PIK3R1: variants seen among roughly 807,000 people sequenced by gnomAD.
The protein encoded by PIK3R1 is phosphoinositide-3-kinase regulatory subunit 1.
A neutral mutation model predicts 98.0 loss-of-function variants in PIK3R1; 29 were observed. The ratio of observed to expected loss-of-function variants is 0.30; its 90% confidence interval spans 0.22 to 0.40. The LOEUF (loss-of-function observed/expected upper bound fraction) is 0.40, where lower values mean the gene tolerates loss of function less well. Among genes scored for constraint, PIK3R1 ranks in the 10% least tolerant of loss-of-function variants. The pLI is 1.00. For missense variants in PIK3R1, 596 were observed against 872.7 expected, an observed-to-expected ratio of 0.68 and a Z score of 3.99; for synonymous variants, 282 against 311.8, an observed-to-expected ratio of 0.90 and a Z score of 1.01.
At chr5:68,216,160 C>T (rs754523256) in intron 1 of PIK3R1, among the ~76,000 whole-genome samples, 3 of 152,178 alleles carry the variant, frequency 2.0e-5, no homozygotes, top group Non-Finnish European at 4.4e-5. Context: ...GGCCGGCGTC[C>T]TGTGAGATCC....
chr5:68,286,001 A>G (rs1747062483), intron 7 of PIK3R1, among the ~76,000 whole-genome samples: 1 of 152,194 alleles, frequency 6.6e-6, no homozygotes, highest in South Asian at 2.1e-4. Context: ...TTCATAAATG[A>G]TGTCCAGAAA....
At chr5:68,232,519 C>G (rs1346946985) in intron 2 of PIK3R1, among the ~76,000 whole-genome samples, 2 of 152,144 alleles carry the variant, frequency 1.3e-5, no homozygotes, top group African/African-American at 4.8e-5. Context: ...AGGCATTTCT[C>G]CCTCCTTCCC....
At position 68,294,631 on chromosome 5, in the gene PIK3R1, A is replaced by G; in HGVS notation, c.1521A>G (p.Glu507=). ...QCQTQERYSK[E]YIEKFKREGN... is the part of the protein sequence containing the mutation. ...AGACCCAAGAGCGGTACAGCAAAGA[A>G]TACATAGAAAAGTTTAAACGTGAAG... Residue 507 remains glutamate (E), a synonymous_variant, in exon 12 of 16, where the codon GAA becomes GAG. Coordinates refer to ENST00000521381, the MANE Select transcript of PIK3R1 (RefSeq NM_181523.3). The G allele has an allele frequency of 1.2e-6, 2 of 1,611,182 alleles. No individual in the cohort carries two copies. The highest frequency in any genetic ancestry group is 8.5e-7 in the Non-Finnish European group (1 of 1,178,886).
Position 68,299,620 on chromosome 5 carries a change from A to G in PIK3R1, c.*2019A>G. The G allele has an allele frequency of 4.3e-6, 1 of 233,208 alleles. No homozygotes were observed. Among genetic ancestry groups the G allele is most frequent in the East Asian group, 6.0e-5 (1 of 16,560 alleles). 14.4% of individuals were successfully genotyped at this position (233,208 alleles called of 1,614,324 possible). A position where few individuals can be genotyped will look rare whatever the true frequency, so the allele number is the denominator to read the frequency against. On this transcript the variant is annotated 3_prime_UTR_variant, in exon 16 of 16. Transcript: ENST00000521381. ...CTAATAGACTAAATGAAATCTTGCA[A>G]TTTCAAATTACTCTTTCTCCATATT...
intron 2 of PIK3R1, among the ~76,000 whole-genome samples, chr5:68,266,879 C>G (rs551521757): frequency 6.6e-6 from 1 of 152,288 alleles, no homozygotes; most frequent in African/African-American, 2.4e-5. Flanking sequence ...GAATGTGGCT[C>G]CTAGTTGATG....
intron 1 of PIK3R1, among the ~76,000 whole-genome samples, chr5:68,220,791 G>C (rs750034142): frequency 8.5e-5 from 13 of 152,128 alleles, no homozygotes; most frequent in African/African-American, 3.1e-4. Flanking sequence ...TATTATTTGG[G>C]GTTAATCTCA....
At chr5:68,265,887 G>GA (rs1393161627) in intron 2 of PIK3R1, among the ~76,000 whole-genome samples, 1 of 152,160 alleles carries the variant, frequency 6.6e-6, no homozygotes, top group South Asian at 2.1e-4. Flanking sequence ...AAATGTCAGA[G>GA]AAAAAACCCC....
At chr5:68,284,009 A>G (rs1746966472) in intron 7 of PIK3R1, among the ~76,000 whole-genome samples, 1 of 152,200 alleles carries the variant, frequency 6.6e-6, no homozygotes, top group Non-Finnish European at 1.5e-5. Flanking sequence ...AAATCACTCC[A>G]TGAGCTGTGC....
At chr5:68,269,237 T>G (rs960927429) in intron 2 of PIK3R1, among the ~76,000 whole-genome samples, 1 of 152,224 alleles carries the variant, frequency 6.6e-6, no homozygotes, top group African/African-American at 2.4e-5. Context: ...AAACTGGGAT[T>G]GGGTTGTAGT....
chr5:68,233,878 G>T (rs1444548801), intron 2 of PIK3R1, among the ~76,000 whole-genome samples: 2 of 152,140 alleles, frequency 1.3e-5, no homozygotes, highest in African/African-American at 4.8e-5. Flanking sequence ...ACCCTCTCTG[G>T]ACTGTTTCTT....
intron 7 of PIK3R1, among the ~76,000 whole-genome samples, chr5:68,289,127 T>C (rs2112230420): frequency 6.6e-6 from 1 of 152,216 alleles, no homozygotes; most frequent in Non-Finnish European, 1.5e-5. Context: ...ACTGGCACTC[T>C]GGGCTGTTAC....
chr5:68,216,494 G>A (rs1323246918), intron 1 of PIK3R1, among the ~76,000 whole-genome samples: 4 of 152,182 alleles, frequency 2.6e-5, no homozygotes, highest in African/African-American at 9.6e-5. Context: ...CCTAACCCCC[G>A]CCTTCCGAAG....
intron 2 of PIK3R1, among the ~76,000 whole-genome samples, chr5:68,271,079 G>A (rs776367584): frequency 2.6e-4 from 40 of 152,270 alleles, no homozygotes; most frequent in East Asian, 1.9e-4. Context: ...TATCAAAAGA[G>A]TATGTCCTAA....
At chr5:68,242,690 G>A (rs1305836945) in intron 2 of PIK3R1, among the ~76,000 whole-genome samples, 3 of 152,310 alleles carry the variant, frequency 2.0e-5, no homozygotes, top group South Asian at 2.1e-4. Context: ...TGAGTTGAAC[G>A]GGATAGCCCA....
rs188594776 is a variant in PIK3R1 at position 68,256,135 on chromosome 5, G to A, written c.335-17255G>A. 2.8e-3 allele frequency among the ~76,000 whole-genome samples: 423 copies of A among 152,216 alleles called. 1 individual carries two copies. Among genetic ancestry groups the A allele is most frequent in the African/African-American group, 9.8e-3 (408 of 41,518 alleles). On this transcript the variant is annotated intron_variant, in intron 2 of 15. Transcript: ENST00000521381. Reference sequence around the variant, plus strand: ...TCTTTAATGAAAACAGCCTGAACGTGGTTATTAATCTGAGTCTTTCTCCAT... The same window carrying A: ...TCTTTAATGAAAACAGCCTGAACGTAGTTATTAATCTGAGTCTTTCTCCAT...
rs1326622732 is a variant in PIK3R1, at chr5:68,298,514, T to A, written c.*913T>A. 8.6e-6 allele frequency: 2 copies of A among 233,268 alleles called. No individual in the cohort carries two copies. Among genetic ancestry groups the A allele is most frequent in the Non-Finnish European group, 1.7e-5 (2 of 117,918 alleles). 14.4% of individuals were successfully genotyped at this position (233,268 alleles called of 1,614,324 possible). On this transcript the variant is annotated 3_prime_UTR_variant, in exon 16 of 16. Transcript: ENST00000521381. ...GCTTGAAAATATTGTTGTCCCGGATTTTTGTTAATATTCATTTTTGTTATC... is the reference window on the plus strand; with the variant it reads ...GCTTGAAAATATTGTTGTCCCGGATATTTGTTAATATTCATTTTTGTTATC...
intron 2 of PIK3R1, among the ~76,000 whole-genome samples, chr5:68,238,331 C>T (rs1477650222): frequency 6.6e-6 from 1 of 152,076 alleles, no homozygotes; most frequent in Non-Finnish European, 1.5e-5. Flanking sequence ...ACAGGAAAAA[C>T]CTAACCGAGC....
intron 2 of PIK3R1, among the ~76,000 whole-genome samples, chr5:68,269,799 C>T (rs534177647): frequency 2.0e-5 from 3 of 151,866 alleles, no homozygotes; most frequent in African/African-American, 7.3e-5. Flanking sequence ...CTTTCACATT[C>T]ACCATGTCTA....
chr5:68,280,294 T>C (rs191844360), intron 5 of PIK3R1: 90 of 555,998 alleles, frequency 1.6e-4, no homozygotes, highest in African/African-American at 1.4e-3. Flanking sequence ...CCTGAACAGC[T>C]TGTGGTTTCT....
Sources: allele counts gnomAD v4.1 joint callset (sites outside exome capture counted in the v4.1 genomes callset), GRCh38; gene constraint gnomAD v4.1.1; transcripts MANE v1.5; gene names NCBI Gene and HGNC (gene_info 2026-07-23, HGNC 2026-07-21).